The following CCDC171 variants were observed in gnomAD, a reference collection of about 807,000 sequenced individuals.
CCDC171 encodes the protein coiled-coil domain-containing protein 171.
In CCDC171, 177 loss-of-function variants were observed where a neutral mutation model predicts 168.2. That is an observed-to-expected ratio of 1.05 (90% CI 0.93 to 1.19). The LOEUF (loss-of-function observed/expected upper bound fraction) is 1.19, where lower values mean the gene tolerates loss of function less well. Ranked by LOEUF, CCDC171 falls within the 50% of genes most tolerant of loss-of-function variation. CCDC171 has a pLI of 0.00. For missense variants in CCDC171, 1,991 were observed against 1,539.0 expected (o/e 1.29, Z -4.91); for synonymous variants, 687 against 540.8 (o/e 1.27, Z -3.75).
At chr9:15,634,610 C>CT (rs945488040) in intron 7 of CCDC171, among the ~76,000 whole-genome samples, 2 of 152,208 alleles carry the variant, frequency 1.3e-5, no homozygotes, top group Middle Eastern at 3.4e-3. Context: ...GCCTTGAAGT[C>CT]TAACTTCTTA....
intron 11 of CCDC171, among the ~76,000 whole-genome samples, chr9:15,712,312 C>A (rs1425372496): frequency 6.6e-6 from 1 of 152,196 alleles, no homozygotes. Flanking sequence ...CATCACATCC[C>A]CTTTTCTCCT....
intron 6 of CCDC171, among the ~76,000 whole-genome samples, chr9:15,597,991 AT>A (rs751963533): frequency 2.1e-3 from 324 of 151,836 alleles, no homozygotes; most frequent in Non-Finnish European, 2.7e-3. Context: ...CGGTGGTGAT[AT>A]CCCCTTTATG....
rs117300004 is a variant in CCDC171 at position 15,867,411 on chromosome 9, C to A, written c.3469-7121C>A. 5.7e-4 allele frequency among the ~76,000 whole-genome samples: 86 copies of A among 152,040 alleles called. No homozygotes were observed. In the East Asian group the frequency reaches 9.5e-3, roughly 17 times the overall value. ...TAAAAGTTGAAACATGATCCTCTGC[C>A]TCTAAAAAACCCAATTTTTAGTGGC... On this transcript the variant is annotated intron_variant, in intron 23 of 25. Coordinates refer to ENST00000380701, the MANE Select transcript of CCDC171 (RefSeq NM_173550.4).
At chr9:15,614,113 G>T (rs532567941) in intron 6 of CCDC171, among the ~76,000 whole-genome samples, 23 of 152,188 alleles carry the variant, frequency 1.5e-4, no homozygotes, top group Admixed American at 1.5e-3. Flanking sequence ...CTTCCTACTT[G>T]CACAGAGCCT....
chr9:15,815,100 C>A lies in CCDC171; in HGVS notation c.3267+30406C>A, dbSNP rs118146486. Among the ~76,000 whole-genome samples the A allele has an allele frequency of 4.7e-3, 717 of 152,294 alleles. 4 individuals carry two copies. The highest frequency in any genetic ancestry group is 7.1e-3 in the Non-Finnish European group (486 of 68,020). On this transcript the variant is annotated intron_variant, in intron 21 of 25. Transcript: ENST00000380701. ...GTTCTTTTGTGTAACCTTGATCCAG[C>A]TCTTGTTCACACACCCCTTTTCATC...
intron 1 of CCDC171, among the ~76,000 whole-genome samples, chr9:15,556,433 T>C (rs1232616469): frequency 6.6e-6 from 1 of 152,202 alleles, no homozygotes; most frequent in East Asian, 1.9e-4. Flanking sequence ...ATCGCCATTC[T>C]AACTGGTGTG....
intron 3 of CCDC171, among the ~76,000 whole-genome samples, chr9:15,990,783 C>T (rs1235218973): frequency 6.6e-6 from 1 of 152,152 alleles, no homozygotes; most frequent in African/African-American, 2.4e-5. Flanking sequence ...ATCCTGGTCT[C>T]TGATAAAGCA....
At position 15,778,330 on chromosome 9, in the gene CCDC171, A is replaced by AT. The variant is rs1564389632; in HGVS notation, c.2898+504_2898+505insT. On this transcript the variant is annotated intron_variant, in intron 19 of 25. Transcript: ENST00000380701. The stretch of plus-strand genomic sequence containing the variant: ...CTCCGTCTCAAAAAAAAAAAAAAAA[A>AT]AAAAAAAAAAAAAAAAAAAAATCAC... 3.1e-4 allele frequency among the ~76,000 whole-genome samples: 38 copies of AT among 120,790 alleles called. 1 individual carries two copies. The highest frequency in any genetic ancestry group is 1.2e-3 in the African/African-American group (38 of 30,610). The allele number at this position is 120,790 out of a possible 152,430, so 79.2% of individuals were successfully genotyped here. A position where few individuals can be genotyped will look rare whatever the true frequency, so the allele number is the denominator to read the frequency against.
chr9:15,697,607 T>G (rs768107890), intron 11 of CCDC171, among the ~76,000 whole-genome samples: 4 of 152,194 alleles, frequency 2.6e-5, no homozygotes, highest in African/African-American at 4.8e-5. Context: ...GGCTTCCCAG[T>G]ATGTTTGAAT....
At chr9:15,942,555 C>G (rs1319395238) in intron 25 of CCDC171, among the ~76,000 whole-genome samples, 1 of 151,826 alleles carries the variant, frequency 6.6e-6, no homozygotes, top group African/African-American at 2.4e-5. Flanking sequence ...CAGTGCCTAG[C>G]ATACTACTGG....
the CCDC171 span, among the ~76,000 whole-genome samples, chr9:16,069,224 AAAG>A: frequency 6.6e-6 from 1 of 152,232 alleles, no homozygotes; most frequent in Non-Finnish European, 1.5e-5. Context: ...CTCATGGAAA[AAAG>A]CTCTGAGTGG....
the CCDC171 span, among the ~76,000 whole-genome samples, chr9:16,068,734 A>G: frequency 6.9e-6 from 1 of 144,362 alleles, no homozygotes; most frequent in African/African-American, 2.4e-5. Context: ...TGACGATTAC[A>G]TACAACAGAA....
intron 11 of CCDC171, among the ~76,000 whole-genome samples, chr9:15,721,151 A>G (rs1024474053): frequency 6.6e-6 from 1 of 152,194 alleles, no homozygotes; most frequent in African/African-American, 2.4e-5. Context: ...AAGGGTTTTA[A>G]TTGAAACATG....
At chr9:15,871,990 A>G (rs1240787041) in intron 23 of CCDC171, among the ~76,000 whole-genome samples, 1 of 152,020 alleles carries the variant, frequency 6.6e-6, no homozygotes, top group Non-Finnish European at 1.5e-5. Context: ...AGAACATTTT[A>G]GATACTTACT....
chr9:15,553,455 C>T (rs1436651926), intron 1 of CCDC171, 153 bp downstream of exon 1: 1 of 152,290 alleles, frequency 6.6e-6, no homozygotes, highest in Admixed American at 6.5e-5. Flanking sequence ...GGTCTCCCCG[C>T]CCACCTGGAG....
At chr9:15,748,581 G>A (rs752975739) in intron 18 of CCDC171, among the ~76,000 whole-genome samples, 18 of 152,186 alleles carry the variant, frequency 1.2e-4, no homozygotes, top group African/African-American at 2.9e-4. Flanking sequence ...GAGAAAGGTC[G>A]GGTTACCCAC....
chr9:16,067,376 G>A, the CCDC171 span, among the ~76,000 whole-genome samples: 4 of 152,126 alleles, frequency 2.6e-5, no homozygotes, highest in African/African-American at 9.7e-5. Context: ...TTTGTCAGAT[G>A]AGTAGGTCGC....
At chr9:15,987,529 C>A (rs1450179822) in intron 3 of CCDC171, among the ~76,000 whole-genome samples, 1 of 152,042 alleles carries the variant, frequency 6.6e-6, no homozygotes, top group East Asian at 1.9e-4. Context: ...AACATCAGTT[C>A]CCAGAAAAAT....
intron 21 of CCDC171, among the ~76,000 whole-genome samples, chr9:15,791,237 T>C (rs1176599902): frequency 6.6e-6 from 1 of 152,180 alleles, no homozygotes; most frequent in South Asian, 2.1e-4. Flanking sequence ...GAGCATGGAA[T>C]GTTCTTCCAT....
Sources: allele counts gnomAD v4.1 joint callset (sites outside exome capture counted in the v4.1 genomes callset), GRCh38; gene constraint gnomAD v4.1.1; transcripts MANE v1.5; gene names NCBI Gene and HGNC (gene_info 2026-07-23, HGNC 2026-07-21).